The following GTPBP6 variants were observed in gnomAD, a reference collection of about 807,000 sequenced individuals.
GTPBP6 encodes the protein GTP binding protein 6, also known as putative GTP-binding protein 6.
A neutral mutation model predicts 28.9 loss-of-function variants in GTPBP6; 33 were observed. The ratio of observed to expected loss-of-function variants is 1.14; its 90% CI spans 0.87 to 1.53. The LOEUF (loss-of-function observed/expected upper bound fraction) is 1.53. GTPBP6 is among the 40% of genes most tolerant of loss of function. The probability of loss-of-function intolerance (pLI) is 0.00; values close to 1 mark genes in which losing one functional copy is unlikely to be tolerated. For synonymous variants in GTPBP6, 231 were observed against 192.7 expected (o/e 1.20, Z -1.65); for missense variants, 507 against 408.3 (o/e 1.24, Z -2.08).
intron 7 of GTPBP6, among the ~76,000 whole-genome samples, chrX:309,035 T>G (rs2070231405): frequency 6.6e-6 from 1 of 152,132 alleles, no homozygotes. Context: ...CATAATTTAT[T>G]GTCGGGAGGA....
At position 307,434 on chromosome X, in the gene GTPBP6, G is replaced by A. The variant is rs200210181; in HGVS notation, c.1353C>T (p.Leu451=). ...CCGTCGCCTTCAAAACCGCCGCATC[G>A]AGCTCAGCTTTCAGCTCCTGGAGCC... The change falls in exon 9 of 10, where the codon CTC becomes CTT. Residue 451 remains leucine, a synonymous_variant. Transcript: ENST00000326153. 600 of 1,612,366 alleles carry A rather than the reference G, an allele frequency of 3.7e-4. 2 individuals are homozygous for A. In the African/African-American group the frequency reaches 6.9e-3, roughly 19 times the overall value.
intron 9 of GTPBP6, 125 bp downstream of exon 9, chrX:307,235 C>T (rs182148247): frequency 2.6e-5 from 21 of 818,364 alleles, no homozygotes; most frequent in Non-Finnish European, 3.4e-5. Flanking sequence ...CCATTCATCT[C>T]GTCTGTACAT....
In GTPBP6 at chrX:307,400, T is replaced by A. The variant is rs760540454; in HGVS notation, c.1387A>T (p.Ile463Phe). 3.1e-6 allele frequency: 5 copies of A among 1,612,606 alleles called. No homozygotes were observed. The East Asian group carries it at 6.7e-5, about 22-fold the overall frequency. The stretch of plus-strand genomic sequence containing the variant: ...GCGAGCCTCACACGGAGAGTGAGGA[T>A]CTGTCTCCCCGTCGCCTTCAAAACC... The change falls in exon 9 of 10, where the codon ATC becomes TTC. Residue 463 changes from isoleucine to phenylalanine, a missense_variant. By Grantham distance (21) the Ile-to-Phe change is conservative. Transcript: ENST00000326153.
Position 307,334 on chromosome X carries a change from G to A in GTPBP6, c.1427+26C>T, listed in dbSNP as rs373581856. On this transcript the variant is annotated intron_variant, in intron 9 of 9. Coordinates refer to ENST00000326153, the Ensembl canonical transcript of GTPBP6. The stretch of plus-strand genomic sequence containing the variant: ...AGACAGGCATCCAAAGCACCATCCC[G>A]TCTCCTGCCCCTGCAGGCCGCTCAC... 104 of 1,608,266 alleles carry A rather than the reference G, an allele frequency of 6.5e-5. No homozygotes were observed. The Middle Eastern group carries it at 8.3e-4, about 13-fold the overall frequency.
exon 10 of GTPBP6, chrX:304,814 C>T: frequency 1.4e-6 from 2 of 1,385,410 alleles, no homozygotes; most frequent in Non-Finnish European, 1.9e-6. Flanking sequence ...AAGCAGTTCA[C>T]AGCAGGCACC....
intron 9 of GTPBP6, among the ~76,000 whole-genome samples, chrX:306,899 T>C (rs28620448): frequency 0.071 from 5,429 of 76,468 alleles, 443 homozygotes; most frequent in South Asian, 0.18. Flanking sequence ...ATTTTGACTG[T>C]CAGCACAGAT....
intron 5 of GTPBP6, 142 bp from the exon 6 acceptor site, chrX:313,066 C>T: frequency 1.5e-6 from 1 of 665,342 alleles, no homozygotes; most frequent in Non-Finnish European, 2.6e-6. Context: ...CCAGCAGCGG[C>T]CCCGACACGT....
chrX:312,980 C>A (rs184081458), intron 5 of GTPBP6, 56 bp from the exon 6 acceptor site: 2 of 1,513,226 alleles, frequency 1.3e-6, no homozygotes, highest in South Asian at 1.2e-5. Flanking sequence ...GGCACAAGTG[C>A]GGGCGGTGCC....
At chrX:317,537 T>C (rs1403919377) in intron 1 of GTPBP6, among the ~76,000 whole-genome samples, 2 of 117,284 alleles carry the variant, frequency 1.7e-5, no homozygotes, top group East Asian at 5.5e-4. Context: ...CAGCGACTTA[T>C]TCATTTGCAT....
At chrX:310,894 T>C (rs951722991) in intron 7 of GTPBP6, among the ~76,000 whole-genome samples, 71 of 151,818 alleles carry the variant, frequency 4.7e-4, no homozygotes, top group African/African-American at 1.6e-3. Context: ...GGCATCACCG[T>C]GCTGTGTCCG....
At chrX:306,053 G>A (rs1309021310) in intron 9 of GTPBP6, among the ~76,000 whole-genome samples, 17 of 152,196 alleles carry the variant, frequency 1.1e-4, no homozygotes, top group African/African-American at 3.4e-4. Flanking sequence ...CCTGTGCCAC[G>A]GCATCCAGCT....
At chrX:314,643 TTTTC>T (rs2070394181) in intron 4 of GTPBP6, among the ~76,000 whole-genome samples, 1 of 151,968 alleles carries the variant, frequency 6.6e-6, no homozygotes, top group East Asian at 1.9e-4. Context: ...CGGCTAATTT[TTTTC>T]TTGTATTTTT....
chrX:307,602 C>G, intron 8 of GTPBP6, 90 bp from the exon 9 acceptor site: 3 of 1,471,406 alleles, frequency 2.0e-6, no homozygotes, highest in Admixed American at 2.1e-5. Context: ...CCACGGGGCA[C>G]AGTCTGGGGC....
chrX:312,637 T>C (rs1240895656), intron 6 of GTPBP6, 129 bp downstream of exon 6: 1 of 961,920 alleles, frequency 1.0e-6, no homozygotes, highest in African/African-American at 1.6e-5. Context: ...CCCCCTCTCC[T>C]GGGCACGTGC....
intron 5 of GTPBP6, among the ~76,000 whole-genome samples, chrX:313,749 G>T (rs749631172): frequency 9.3e-4 from 142 of 152,124 alleles, no homozygotes; most frequent in African/African-American, 3.2e-3. Flanking sequence ...ACAAACCCAG[G>T]GATGCCTGGA....
At chrX:311,941 G>A in intron 6 of GTPBP6, 1 of 575,888 alleles carries the variant, frequency 1.7e-6, no homozygotes, top group Non-Finnish European at 3.1e-6. Flanking sequence ...TAGATGGTGG[G>A]ATGGTGTAGG....
At chrX:312,526 C>A (rs2070329831) in intron 6 of GTPBP6, 2 of 693,612 alleles carry the variant, frequency 2.9e-6, no homozygotes, top group South Asian at 3.0e-5. Context: ...TAGATGACAT[C>A]CTCACCTTGG....
chrX:312,793 T>C (rs1237738465), exon 6 of GTPBP6: 3 of 1,612,194 alleles, frequency 1.9e-6, no homozygotes, highest in Non-Finnish European at 2.5e-6. Flanking sequence ...ACCACGGAGA[T>C]CACGGGGAAC....
Position 314,068 on chromosome X carries a change from T to C in GTPBP6, c.757+82A>G, listed in dbSNP as rs2070375195. On this transcript the variant is annotated intron_variant, in intron 5 of 9. Transcript: ENST00000326153. ...CCAGCTGGACCCCACCCTGTTGGAA[T>C]CTTCCAGGGCTGAGAAGGGTGGCTG... 2.8e-6 allele frequency: 3 copies of C among 1,081,380 alleles called. No individual in the cohort carries two copies. The East Asian group carries it at 7.4e-5, about 27-fold the overall frequency. The allele number at this position is 1,081,380 out of a possible 1,614,324, so 67.0% of individuals were successfully genotyped here. A position where few individuals can be genotyped will look rare whatever the true frequency, so the allele number is the denominator to read the frequency against.
Sources: allele counts gnomAD v4.1 joint callset (sites outside exome capture counted in the v4.1 genomes callset), GRCh38; gene constraint gnomAD v4.1.1; transcripts MANE v1.5; gene names NCBI Gene and HGNC (gene_info 2026-07-23, HGNC 2026-07-21).